Variants in UMAD1 observed in about 807,000 individuals in gnomAD.
UMAD1 encodes UBAP1-MVB12-associated (UMA)-domain containing protein 1.
A neutral mutation model predicts 6.1 loss-of-function variants in UMAD1; 8 were observed. The ratio of observed to expected loss-of-function variants is 1.30; its 90% confidence interval spans 0.76 to 2.35. The LOEUF is 2.35. Among genes scored for constraint, UMAD1 ranks in the 30% most tolerant of loss-of-function variants. The pLI, the probability that UMAD1 is intolerant of heterozygous loss-of-function variation, is 0.00. For synonymous variants in UMAD1, 56 were observed against 31.4 expected (o/e 1.78, Z -2.61); for missense variants, 130 against 78.4 (o/e 1.66, Z -2.49).
At chr7:7,645,081 G>A (rs79646924) in intron 1 of UMAD1, among the ~76,000 whole-genome samples, 1,594 of 152,070 alleles carry the variant, frequency 0.01, 30 homozygotes, top group African/African-American at 0.036. Flanking sequence ...TTAAATTAAA[G>A]ATTTTAACTG....
chr7:7,755,682 A>G (rs934494593), intron 2 of UMAD1, among the ~76,000 whole-genome samples: 6 of 152,222 alleles, frequency 3.9e-5, no homozygotes, highest in African/African-American at 1.4e-4. Flanking sequence ...AGTTTTGCAG[A>G]AAAATTTAAG....
chr7:7,780,492 A>G (rs1782322794), intron 2 of UMAD1, among the ~76,000 whole-genome samples: 1 of 152,210 alleles, frequency 6.6e-6, no homozygotes, highest in East Asian at 1.9e-4. Context: ...AAAACTTTCT[A>G]TTGATGAATA....
intron 3 of UMAD1, among the ~76,000 whole-genome samples, chr7:7,805,783 T>C (rs1782900667): frequency 6.6e-6 from 1 of 152,198 alleles, no homozygotes; most frequent in Admixed American, 6.5e-5. Flanking sequence ...TCACTTGGCT[T>C]CCTCCTTATC....
At chr7:7,714,692 G>A (rs1780849064) in intron 2 of UMAD1, among the ~76,000 whole-genome samples, 1 of 152,092 alleles carries the variant, frequency 6.6e-6, no homozygotes, top group Non-Finnish European at 1.5e-5. Flanking sequence ...TCCATCAGGT[G>A]TCCCTAACTG....
At chr7:7,728,851 C>CACTGA in intron 2 of UMAD1, among the ~76,000 whole-genome samples, 1 of 152,120 alleles carries the variant, frequency 6.6e-6, no homozygotes, top group Non-Finnish European at 1.5e-5. Flanking sequence ...TTATAGTGGG[C>CACTGA]CTACCGTATG....
At chr7:7,849,033 A>G (rs1472586812) in intron 3 of UMAD1, among the ~76,000 whole-genome samples, 3 of 152,122 alleles carry the variant, frequency 2.0e-5, no homozygotes, top group Non-Finnish European at 4.4e-5. Flanking sequence ...CCTTATGTTG[A>G]AATTTGGGAT....
Position 7,789,159 on chromosome 7 carries a change from A to C in UMAD1, c.83-12511A>C, listed in dbSNP as rs1435339186. ...AGTGGTCAAAGTGTGTTCCTCTGACACTGGTTATTATTTTTTTGCTGCAAG... is the reference window on the plus strand; with the variant it reads ...AGTGGTCAAAGTGTGTTCCTCTGACCCTGGTTATTATTTTTTTGCTGCAAG... On this transcript the variant is annotated intron_variant, in intron 2 of 3. Transcript: ENST00000682710. Among the ~76,000 whole-genome samples, 3 of 152,280 alleles carry C rather than the reference A, an allele frequency of 2.0e-5. No individual in the cohort carries two copies. The East Asian group carries it at 5.8e-4, about 29-fold the overall frequency.
chr7:7,739,693 T>C (rs10486187), intron 2 of UMAD1, among the ~76,000 whole-genome samples: 17,696 of 152,216 alleles, frequency 0.12, 1,096 homozygotes, highest in African/African-American at 0.16. Context: ...TTTCCTGATA[T>C]TATGTTAAAA....
intron 1 of UMAD1, among the ~76,000 whole-genome samples, chr7:7,656,099 T>C (rs1221263404): frequency 6.6e-6 from 1 of 152,054 alleles, no homozygotes; most frequent in Non-Finnish European, 1.5e-5. Flanking sequence ...CCTCCCAAAG[T>C]ACTGAGATTA....
chr7:7,754,377 T>TA (rs1289095964), intron 2 of UMAD1, among the ~76,000 whole-genome samples: 13 of 152,348 alleles, frequency 8.5e-5, no homozygotes, highest in Non-Finnish European at 1.5e-4. Context: ...TACCTTTTTA[T>TA]GTGCCTGCTT....
chr7:7,863,325 T>C (rs1390553612), intron 3 of UMAD1, among the ~76,000 whole-genome samples: 2 of 152,222 alleles, frequency 1.3e-5, no homozygotes, highest in East Asian at 1.9e-4. Flanking sequence ...ATTAAATACA[T>C]GTGAAACTAC....
intron 2 of UMAD1, among the ~76,000 whole-genome samples, chr7:7,722,155 C>CTATA (rs1476334564): frequency 9.8e-5 from 14 of 142,648 alleles, no homozygotes; most frequent in African/African-American, 4.0e-4. Flanking sequence ...CTCTCTCTCT[C>CTATA]TCTATATATA....
At chr7:7,724,259 G>A (rs1238890483) in intron 2 of UMAD1, among the ~76,000 whole-genome samples, 1 of 152,136 alleles carries the variant, frequency 6.6e-6, no homozygotes, top group Non-Finnish European at 1.5e-5. Context: ...GACCCAATGT[G>A]GTCTTCCAGT....
intron 2 of UMAD1, among the ~76,000 whole-genome samples, chr7:7,703,423 A>T (rs1194274413): frequency 6.6e-6 from 1 of 152,208 alleles, no homozygotes; most frequent in Non-Finnish European, 1.5e-5. Flanking sequence ...CCATTTTGTG[A>T]GTGCTCTAAT....
intron 3 of UMAD1, among the ~76,000 whole-genome samples, chr7:7,829,749 T>C (rs913769007): frequency 1.3e-5 from 2 of 152,224 alleles, no homozygotes; most frequent in African/African-American, 2.4e-5. Context: ...ATGTTAATTT[T>C]GTTGTCACCA....
chr7:7,816,868 A>G (rs968458482), intron 3 of UMAD1, among the ~76,000 whole-genome samples: 3 of 152,186 alleles, frequency 2.0e-5, no homozygotes, highest in Non-Finnish European at 4.4e-5. Flanking sequence ...ATAGCCCTTA[A>G]TGCCCAGTCC....
chr7:7,861,205 C>T (rs1784109660), intron 3 of UMAD1, among the ~76,000 whole-genome samples: 1 of 152,184 alleles, frequency 6.6e-6, no homozygotes, highest in African/African-American at 2.4e-5. Flanking sequence ...ACTTAGGCCA[C>T]TGAATTGTAC....
intron 2 of UMAD1, chr7:7,742,431 T>A: frequency 1.8e-6 from 1 of 562,918 alleles, no homozygotes; most frequent in South Asian, 1.4e-5. Flanking sequence ...GACGGGCAGA[T>A]CTTTCTTTTT....
chr7:7,805,758 T>C (rs1782900353), intron 3 of UMAD1, among the ~76,000 whole-genome samples: 1 of 152,208 alleles, frequency 6.6e-6, no homozygotes, highest in African/African-American at 2.4e-5. Flanking sequence ...GCTAGTCATT[T>C]TTTAAACCAG....
Sources: gnomAD v4.1 joint callset for allele counts (sites outside exome capture counted in the v4.1 genomes callset) on GRCh38, gnomAD v4.1.1 for gene constraint, MANE v1.5 for transcripts, NCBI Gene and HGNC (gene_info 2026-07-23, HGNC 2026-07-21) for gene names.